The following MED13 variants were observed in gnomAD, a reference collection of about 807,000 sequenced individuals.
MED13 encodes mediator of RNA polymerase II transcription subunit 13.
MED13 carries 23 observed loss-of-function variants against 225.2 expected under a neutral mutation model. The observed-to-expected ratio is 0.10, with a 90% CI of 0.07 to 0.14. MED13 has a LOEUF of 0.14. Ranked by LOEUF, MED13 falls within the 10% of genes least tolerant of loss-of-function variation. The pLI, the probability that MED13 is intolerant of heterozygous loss-of-function variation, is 1.00. For synonymous variants in MED13, 942 were observed against 889.2 expected (o/e 1.06, Z -1.06); for missense variants, 2,197 against 2,594.5 (o/e 0.85, Z 3.33).
At chr17:61,972,073 TCTA>T in intron 17 of MED13, among the ~76,000 whole-genome samples, 1 of 152,296 alleles carries the variant, frequency 6.6e-6, no homozygotes, top group East Asian at 1.9e-4. Flanking sequence ...TATAGGCAAA[TCTA>T]CTACTTTCAT....
At chr17:62,007,675 C>G (rs929484139) in intron 9 of MED13, among the ~76,000 whole-genome samples, 6 of 151,420 alleles carry the variant, frequency 4.0e-5, no homozygotes, top group Admixed American at 4.0e-4. Context: ...GGTGAAACCC[C>G]GTCTCTACTA....
intron 26 of MED13, 65 bp downstream of exon 26, chr17:61,955,317 G>A (rs2079933005): frequency 7.8e-7 from 1 of 1,289,078 alleles, no homozygotes; most frequent in Non-Finnish European, 1.0e-6. Context: ...CACGTTTCAG[G>A]TATTGGACAT....
At chr17:62,058,520 C>CAAAAAA (rs751957495) in intron 2 of MED13, among the ~76,000 whole-genome samples, 5 of 53,390 alleles carry the variant, frequency 9.4e-5, no homozygotes, top group African/African-American at 1.5e-4. Context: ...GACTTCATCT[C>CAAAAAA]AAAAAAAAAA....
chr17:62,008,016 CAAAAAAAA>C (rs60236710), intron 9 of MED13, among the ~76,000 whole-genome samples: 2 of 50,510 alleles, frequency 4.0e-5, no homozygotes, highest in Non-Finnish European at 7.8e-5. Flanking sequence ...GAGACTGTCT[CAAAAAAAA>C]AAAAAAAAAA....
intron 3 of MED13, among the ~76,000 whole-genome samples, chr17:62,036,148 A>C (rs1188459313): frequency 2.0e-5 from 3 of 151,644 alleles, no homozygotes; most frequent in African/African-American, 7.3e-5. Flanking sequence ...ATAAAGGCGG[A>C]CAACAGAATT....
chr17:61,988,812 C>CT (rs1196681595), intron 11 of MED13, among the ~76,000 whole-genome samples: 1 of 151,378 alleles, frequency 6.6e-6, no homozygotes. Flanking sequence ...TATACAGGTA[C>CT]TTTTTTTTAT....
chr17:62,028,346 A>C (rs2080722072), intron 8 of MED13, among the ~76,000 whole-genome samples: 1 of 152,128 alleles, frequency 6.6e-6, no homozygotes, highest in African/African-American at 2.4e-5. Context: ...AAATGATGAG[A>C]ACTCATGGAC....
rs762002723 is a variant in MED13 at position 61,972,712 on chromosome 17, C to T, written c.3967+15G>A. 13 of 1,592,672 alleles carry T rather than the reference C, an allele frequency of 8.2e-6. No individual in the cohort carries two copies. The highest frequency in any genetic ancestry group is 1.1e-5 in the Non-Finnish European group (13 of 1,172,368). On this transcript the variant is annotated intron_variant, in intron 17 of 29. Transcript: ENST00000397786. ...ATATAAAATTAGTCATTATATATCACTATAAATTACTTACCATAAGAGCCT... is the reference window on the plus strand; with the variant it reads ...ATATAAAATTAGTCATTATATATCATTATAAATTACTTACCATAAGAGCCT...
At position 62,035,473 on chromosome 17, in the gene MED13, G is replaced by A; in HGVS notation, c.606C>T (p.Ser202=). 1 of 1,604,146 alleles carries A rather than the reference G, an allele frequency of 6.2e-7. No homozygotes were observed. Among genetic ancestry groups the A allele is most frequent in the Non-Finnish European group, 8.5e-7 (1 of 1,176,148 alleles). Residue 202 remains serine, a synonymous_variant, in exon 4 of 30, where the codon AGC becomes AGT. Coordinates refer to ENST00000397786, the MANE Select transcript of MED13 (RefSeq NM_005121.3). ...AATAAAATAATCTACCTTGAAATGG[G>A]CTATTAGACTGTTGAGCAAGGGTGA... ...EHITLAQQSN[S]PFQVILCPFG...
intron 5 of MED13, among the ~76,000 whole-genome samples, chr17:62,032,088 T>C (rs2080762592): frequency 6.6e-6 from 1 of 152,052 alleles, no homozygotes; most frequent in Non-Finnish European, 1.5e-5. Flanking sequence ...GTGTGTTTTT[T>C]CTGTTTCTGT....
In MED13 at chr17:61,946,774, CAA is replaced by C. The variant is rs551312469; in HGVS notation, c.6392+141_6392+142del. 1.2e-3 allele frequency: 1,297 copies of C among 1,077,850 alleles called. 3 individuals are homozygous for C. The highest frequency in any genetic ancestry group is 1.5e-3 in the Non-Finnish European group (1,113 of 735,264). 66.8% of individuals were successfully genotyped at this position (1,077,850 alleles called of 1,614,324 possible). A position where few individuals can be genotyped will look rare whatever the true frequency, so the allele number is the denominator to read the frequency against. On this transcript the variant is annotated intron_variant, in intron 29 of 29. Coordinates refer to ENST00000397786, the MANE Select transcript of MED13 (RefSeq NM_005121.3). ...AAATTATTCTCAAAAGTAGATTACTCAAGTTAGAATAGCAGTGTTTATCTAGA... is the reference window on the plus strand; with the variant it reads ...AAATTATTCTCAAAAGTAGATTACTCGTTAGAATAGCAGTGTTTATCTAGA...
intron 16 of MED13, among the ~76,000 whole-genome samples, chr17:61,976,199 G>C (rs2080154725): frequency 6.6e-6 from 1 of 152,010 alleles, no homozygotes; most frequent in Non-Finnish European, 1.5e-5. Flanking sequence ...ATAAAATACG[G>C]TATCTTCATA....
chr17:62,058,718 C>A (rs1009786969), intron 2 of MED13, among the ~76,000 whole-genome samples: 1 of 152,060 alleles, frequency 6.6e-6, no homozygotes, highest in African/African-American at 2.4e-5. Context: ...GAACAAATAA[C>A]CTTCTGGAAT....
chr17:62,007,550 A>G (rs1342530747), intron 9 of MED13: 2 of 152,116 alleles, frequency 1.3e-5, no homozygotes, highest in African/African-American at 4.8e-5. Flanking sequence ...AAAGGCCTTC[A>G]AACTGAGTTA....
chr17:61,965,864 G>C (rs760514673), intron 19 of MED13, among the ~76,000 whole-genome samples: 1 of 152,152 alleles, frequency 6.6e-6, no homozygotes, highest in South Asian at 2.1e-4. Context: ...ATGGTATAAT[G>C]TTATGGGGTT....
rs768250991 is a variant in MED13, at chr17:62,063,268, C to T, written c.100G>A (p.Val34Ile). The change falls in exon 2 of 30, where the codon GTA (valine) becomes ATA (isoleucine). Residue 34 changes from valine (V) to isoleucine (I), a missense_variant. Val to Ile is a conservative substitution (Grantham distance 29). This residue lies in a region of MED13 where 884 missense variants were observed against 918.5 expected (regional missense o/e 0.96). Transcript: ENST00000397786. ...GGGGCAGAAGTTGGGCCTTGCCATA[C>T]ATATTTTTTCCACTTAATTCCTGTC... Reference protein sequence around the residue: ...DLTGIKWKKYVWQGPTSAPIL... With the variant: ...DLTGIKWKKYIWQGPTSAPIL... The T allele has an allele frequency of 6.2e-7, 1 of 1,613,836 alleles. No individual in the cohort carries two copies. Among genetic ancestry groups the T allele is most frequent in the Admixed American group, 1.7e-5 (1 of 59,948 alleles).
chr17:62,063,053 A>C lies in MED13; in HGVS notation c.301+14T>G, dbSNP rs370992338. The stretch of plus-strand genomic sequence containing the variant: ...TTGCTATATCATTAGTTAGAAATGG[A>C]AAGTTTCTTTCACCTGATAAGTCAT... On this transcript the variant is annotated intron_variant, in intron 2 of 29. Coordinates refer to ENST00000397786, the MANE Select transcript of MED13 (RefSeq NM_005121.3). 3 of 1,587,530 alleles carry C rather than the reference A, an allele frequency of 1.9e-6. No homozygotes were observed. The highest frequency in any genetic ancestry group is 2.6e-6 in the Non-Finnish European group (3 of 1,156,878).
chr17:62,035,491 A>T lies in MED13; in HGVS notation c.588T>A (p.Leu196=). The part of the protein sequence containing the change: ...VYLLSEEHIT[L]AQQSNSPFQV... ...GAAATGGGCTATTAGACTGTTGAGC[A>T]AGGGTGATATGCTCTTCACTGAGAA... Residue 196 remains leucine (L), a synonymous_variant, in exon 4 of 30, where the codon CTT becomes CTA. Coordinates refer to ENST00000397786, the MANE Select transcript of MED13 (RefSeq NM_005121.3). The T allele has an allele frequency of 1.2e-6, 2 of 1,612,614 alleles. No individual in the cohort carries two copies. The highest frequency in any genetic ancestry group is 1.7e-6 in the Non-Finnish European group (2 of 1,179,110).
At chr17:62,045,527 A>T (rs948195088) in intron 3 of MED13, among the ~76,000 whole-genome samples, 13 of 140,756 alleles carry the variant, frequency 9.2e-5, no homozygotes, top group Non-Finnish European at 1.3e-4. Flanking sequence ...GTCTCTATTT[A>T]AAAAAAAAAA....
Sources: allele counts gnomAD v4.1 joint callset (sites outside exome capture counted in the v4.1 genomes callset), GRCh38; gene constraint gnomAD v4.1.1; regional missense constraint gnomAD v4.1.1; transcripts MANE v1.5; gene names NCBI Gene and HGNC (gene_info 2026-07-23, HGNC 2026-07-21).